SLC7A10: variants seen among roughly 807,000 people sequenced by gnomAD.
The protein encoded by SLC7A10 is asc-type amino acid transporter 1.
SLC7A10 carries 30 observed loss-of-function variants against 52.7 expected under a neutral mutation model. The observed-to-expected ratio is 0.57, with a 90% CI of 0.43 to 0.77. The LOEUF (loss-of-function observed/expected upper bound fraction) is 0.77, where lower values mean the gene tolerates loss of function less well. Ranked by LOEUF, SLC7A10 falls within the 30% of genes least tolerant of loss-of-function variation. The pLI, the probability that SLC7A10 is intolerant of heterozygous loss-of-function variation, is 0.00. For missense variants in SLC7A10, 581 were observed against 698.5 expected (o/e 0.83, Z 1.90); for synonymous variants, 318 against 314.9 (o/e 1.01, Z -0.10).
chr19:33,225,608 C>T lies in SLC7A10; in HGVS notation c.96G>A (p.Glu32=). 1.3e-6 allele frequency: 2 copies of T among 1,594,716 alleles called. No individual in the cohort carries two copies. The highest frequency in any genetic ancestry group is 1.7e-6 in the Non-Finnish European group (2 of 1,178,788). ...PVPGTVPGAS[E]RVALKKEIGL... Reference sequence around the variant, plus strand: ...CGATCTCCTTCTTGAGCGCCACCCGCTCCGAGGCGCCGGGGACGGTCCCTG... The same window carrying T: ...CGATCTCCTTCTTGAGCGCCACCCGTTCCGAGGCGCCGGGGACGGTCCCTG... The change falls in exon 1 of 11, where the codon GAG becomes GAA. Residue 32 remains glutamate (E), a synonymous_variant. Coordinates refer to ENST00000253188, the MANE Select transcript of SLC7A10 (RefSeq NM_019849.3).
intron 1 of SLC7A10, chr19:33,219,892 C>G (rs529409245): frequency 1.3e-5 from 2 of 152,410 alleles, no homozygotes; most frequent in South Asian, 2.1e-4. Flanking sequence ...CAGGCATTCT[C>G]TTGATCCCGT....
At chr19:33,223,110 C>T (rs112837693) in intron 1 of SLC7A10, among the ~76,000 whole-genome samples, 1 of 152,042 alleles carries the variant, frequency 6.6e-6, no homozygotes, top group Non-Finnish European at 1.5e-5. Context: ...GAGTTCGAGA[C>T]CAGCCTGGCC....
At chr19:33,222,168 G>A (rs1293718755) in intron 1 of SLC7A10, among the ~76,000 whole-genome samples, 1 of 152,126 alleles carries the variant, frequency 6.6e-6, no homozygotes, top group Non-Finnish European at 1.5e-5. Context: ...GGAGGCTGAG[G>A]TGGGAGGATC....
Position 33,212,893 on chromosome 19 carries a change from G to C in SLC7A10, c.466C>G (p.Pro156Ala). 2 of 1,614,176 alleles carry C rather than the reference G, an allele frequency of 1.2e-6. No homozygotes were observed. Among genetic ancestry groups the C allele is most frequent in the Non-Finnish European group, 1.7e-6 (2 of 1,180,010 alleles). ...AGCACCCGGGAGGCTGTGGTGGGGG[G>C]GATGCAGTTGGGGAACACGGGCTGC... ...VLQPVFPNCI[P>A]PTTASRVLSM... Residue 156 changes from proline to alanine, a missense_variant, in exon 3 of 11, where the codon CCC (proline) becomes GCC (alanine). By Grantham distance (27) the Pro-to-Ala change is conservative. Transcript: ENST00000253188.
In SLC7A10 at chr19:33,211,518, A is replaced by C. The variant is rs779853430; in HGVS notation, c.808T>G (p.Phe270Val). The C allele has an allele frequency of 1.3e-5, 21 of 1,614,006 alleles. No individual in the cohort carries two copies. In the Admixed American group the frequency reaches 2.2e-4, roughly 17 times the overall value. ...DARKNLPRAI[F>V]ISIPLVTFVY... ...AAGGTCACCAGTGGGATGGAGATGA[A>C]GATGGCGCGAGGTAGGTTCCTGGTG... Residue 270 changes from phenylalanine to valine, a missense_variant, in exon 6 of 11, where the codon TTC (phenylalanine) becomes GTC (valine). Physicochemically the swap from Phe to Val is conservative, Grantham distance 50 (BLOSUM62 -1). Coordinates refer to ENST00000253188, the MANE Select transcript of SLC7A10 (RefSeq NM_019849.3).
intron 1 of SLC7A10, among the ~76,000 whole-genome samples, chr19:33,221,344 C>G (rs1974807137): frequency 6.6e-6 from 1 of 152,152 alleles, no homozygotes; most frequent in Admixed American, 6.5e-5. Flanking sequence ...TGTCTTGACC[C>G]CCCCATGGTG....
At position 33,210,320 on chromosome 19, in the gene SLC7A10, C is replaced by T. The variant is rs918572503; in HGVS notation, c.1263+147G>A. On this transcript the variant is annotated intron_variant, in intron 9 of 10. Transcript: ENST00000253188. This position sits in a 1 kb window ranked among gnomAD's most constrained non-coding sequence, Gnocchi z 5.6. ...CTCATGGGGCTGCTATGAGGAATGG[C>T]TGCCTCAGTGCACAGAGAGCCCTGA... is the stretch of plus-strand genomic sequence containing the variant. 4.1e-6 allele frequency: 4 copies of T among 983,020 alleles called. No homozygotes were observed. Among genetic ancestry groups the T allele is most frequent in the Middle Eastern group, 3.2e-4 (1 of 3,146 alleles). The allele number at this position is 983,020 out of a possible 1,614,324, so 60.9% of individuals were successfully genotyped here.
chr19:33,211,740 G>T, intron 5 of SLC7A10: 1 of 929,466 alleles, frequency 1.1e-6, no homozygotes, highest in Non-Finnish European at 1.6e-6. Context: ...AGGCTGGTAG[G>T]ATGGGAGATG....
rs1974914647 is a variant in SLC7A10, at chr19:33,225,830, G to C, written c.-127C>G. The C allele has an allele frequency of 8.9e-7, 1 of 1,129,822 alleles. No homozygotes were observed. The highest frequency in any genetic ancestry group is 1.1e-6 in the Non-Finnish European group (1 of 889,964). 70.0% of individuals were successfully genotyped at this position (1,129,822 alleles called of 1,614,324 possible). On this transcript the variant is annotated 5_prime_UTR_variant, in exon 1 of 11. Coordinates refer to ENST00000253188, the MANE Select transcript of SLC7A10 (RefSeq NM_019849.3). ...ACAGCGCCCACAGGCGGGCGCATGC[G>C]CTGGCTCCGGGCCCGGGACTGGGGG... is the stretch of plus-strand genomic sequence containing the variant.
chr19:33,209,310 G>A lies in SLC7A10; in HGVS notation c.1439C>T (p.Thr480Ile). Residue 480 changes from threonine to isoleucine, a missense_variant and splice_region_variant, in exon 10 of 11, where the codon ACA becomes ATA. Thr to Ile is a moderately conservative substitution (Grantham distance 89). Transcript: ENST00000253188. Reference sequence around the variant, plus strand: ...TGACCTGCAGCTGCCCGGCTCACCTGTGAGTCTGTGCACACACTTTGGTTT... The same window carrying A: ...TGACCTGCAGCTGCCCGGCTCACCTATGAGTCTGTGCACACACTTTGGTTT... ...RSKPKCVHRLTESMTHWGQEL... is the reference protein window; with the variant it reads ...RSKPKCVHRLIESMTHWGQEL... The A allele has an allele frequency of 6.2e-7, 1 of 1,613,942 alleles. No homozygotes were observed. Among genetic ancestry groups the A allele is most frequent in the Non-Finnish European group, 8.5e-7 (1 of 1,180,012 alleles).
intron 1 of SLC7A10, 110 bp from the exon 2 acceptor site, chr19:33,216,083 CG>C (rs952802839): frequency 2.2e-5 from 22 of 1,014,852 alleles, no homozygotes; most frequent in Non-Finnish European, 3.0e-5. Flanking sequence ...GGGTGCTTCC[CG>C]GAGGAGGAGG....
chr19:33,215,665 C>T, intron 2 of SLC7A10, 104 bp downstream of exon 2: 3 of 1,301,232 alleles, frequency 2.3e-6, no homozygotes, highest in South Asian at 1.4e-5. Context: ...CCCCCACGAC[C>T]TCCCTAGGAA....
At chr19:33,223,853 G>A (rs1974864767) in intron 1 of SLC7A10, among the ~76,000 whole-genome samples, 1 of 152,114 alleles carries the variant, frequency 6.6e-6, no homozygotes, top group Non-Finnish European at 1.5e-5. Flanking sequence ...GCAGACCTGG[G>A]CTGCATGGGA....
chr19:33,224,683 G>A (rs1325063532), intron 1 of SLC7A10, among the ~76,000 whole-genome samples: 2 of 152,194 alleles, frequency 1.3e-5, no homozygotes, highest in Non-Finnish European at 2.9e-5. Context: ...GAGGGGCTCA[G>A]AGGCACTCTG....
chr19:33,214,868 A>T (rs1974634517), intron 2 of SLC7A10, among the ~76,000 whole-genome samples: 1 of 152,200 alleles, frequency 6.6e-6, no homozygotes, highest in South Asian at 2.1e-4. Flanking sequence ...CAGCTTGAGT[A>T]CAGGGACAGA....
chr19:33,219,244 C>A (rs7258412), intron 1 of SLC7A10, among the ~76,000 whole-genome samples: 3,305 of 152,318 alleles, frequency 0.022, 124 homozygotes, highest in African/African-American at 0.075. Flanking sequence ...CTTCCCTGAG[C>A]CTTCGCTGGG....
In SLC7A10 at chr19:33,225,544, C is replaced by G. The variant is rs1296649996; in HGVS notation, c.151+9G>C. The G allele has an allele frequency of 1.3e-6, 2 of 1,596,248 alleles. No homozygotes were observed. Among genetic ancestry groups the G allele is most frequent in the Non-Finnish European group, 1.7e-6 (2 of 1,179,190 alleles). Reference sequence around the variant, plus strand: ...CCGCCCGGCGCCCGCCCGCCTGGGTCCCGCTCACCGATGATGATGGTGCAG... The same window carrying G: ...CCGCCCGGCGCCCGCCCGCCTGGGTGCCGCTCACCGATGATGATGGTGCAG... On this transcript the variant is annotated intron_variant, in intron 1 of 10. Coordinates refer to ENST00000253188, the MANE Select transcript of SLC7A10 (RefSeq NM_019849.3).
chr19:33,211,818 A>G, intron 5 of SLC7A10: 1 of 526,212 alleles, frequency 1.9e-6, no homozygotes, highest in South Asian at 2.1e-5. Context: ...AATCGCATAC[A>G]GCCAAAATCA....
chr19:33,212,105 G>A, intron 5 of SLC7A10, 187 bp downstream of exon 5: 1 of 770,344 alleles, frequency 1.3e-6, no homozygotes, highest in Non-Finnish European at 2.1e-6. Context: ...CATAGCCAGA[G>A]AGAACAGGGC....
Sources: allele counts gnomAD v4.1 joint callset (sites outside exome capture counted in the v4.1 genomes callset), GRCh38; gene constraint gnomAD v4.1.1; non-coding constraint Gnocchi (gnomAD v3.1); transcripts MANE v1.5; gene names NCBI Gene and HGNC (gene_info 2026-07-23, HGNC 2026-07-21).